The following SART3 variants were observed in gnomAD, a reference collection of about 807,000 sequenced individuals.
SART3 encodes the protein spliceosome associated factor 3, U4/U6 recycling protein.
A neutral mutation model predicts 122.3 loss-of-function variants in SART3; 44 were observed. The ratio of observed to expected loss-of-function variants is 0.36; its 90% confidence interval spans 0.28 to 0.46. The LOEUF is 0.46. Among genes scored for constraint, SART3 ranks in the 20% least tolerant of loss-of-function variants. The probability of loss-of-function intolerance (pLI) is 1.00; values close to 1 mark genes in which losing one functional copy is unlikely to be tolerated. For synonymous variants in SART3, 442 were observed against 454.0 expected (o/e 0.97, Z 0.34); for missense variants, 1,101 against 1,229.0 (o/e 0.90, Z 1.56).
chr12:108,544,682 C>CA (rs1335579235), intron 4 of SART3: 3 of 711,576 alleles, frequency 4.2e-6, no homozygotes, highest in Middle Eastern at 3.1e-4. Flanking sequence ...CCTCCCACCT[C>CA]AGAGTCCTGA....
At chr12:108,529,004 T>G (rs74503751) in intron 15 of SART3, among the ~76,000 whole-genome samples, 11,295 of 152,184 alleles carry the variant, frequency 0.074, 535 homozygotes, top group South Asian at 0.21. Flanking sequence ...ATGCCTGTAA[T>G]CCCAGCTACT....
At chr12:108,544,284 C>T (rs771612979) in intron 5 of SART3, 143 bp downstream of exon 5, 13 of 830,936 alleles carry the variant, frequency 1.6e-5, no homozygotes, top group Non-Finnish European at 2.6e-5. Context: ...AGGACCTCAT[C>T]CAAAGAGACA....
Position 108,561,095 on chromosome 12 carries a change from G to C in SART3, c.60C>G (p.Pro20=), listed in dbSNP as rs892661336. Residue 20 remains proline (P), a synonymous_variant, in exon 1 of 19, where the codon CCC becomes CCG. Coordinates refer to ENST00000546815, the MANE Select transcript of SART3 (RefSeq NM_014706.4). ...SEPEAESKAG[P]KADGEEDEVK... ...CCTCATCCTCCTCTCCGTCAGCCTT[G>C]GGCCCAGCCTTGGACTCAGCCTCGG... 16 of 1,613,986 alleles carry C rather than the reference G, an allele frequency of 9.9e-6. No individual in the cohort carries two copies. The highest frequency in any genetic ancestry group is 1.3e-5 in the Non-Finnish European group (15 of 1,180,002).
intron 1 of SART3, chr12:108,560,281 G>C (rs925301462): frequency 2.6e-5 from 4 of 156,480 alleles, no homozygotes; most frequent in African/African-American, 9.6e-5. Context: ...AGGAAGTCGA[G>C]AGGGTGAGAG....
In SART3 at chr12:108,540,659, C is replaced by T. The variant is rs189807272; in HGVS notation, c.907-1570G>A. Among the ~76,000 whole-genome samples, 455 of 138,322 alleles carry T rather than the reference C, an allele frequency of 3.3e-3. 2 individuals are homozygous for T. Among genetic ancestry groups the T allele is most frequent in the Middle Eastern group, 0.013 (3 of 226 alleles). 90.7% of individuals were successfully genotyped at this position (138,322 alleles called of 152,430 possible). ...TTGAAGGCAAAAAAAAAAAAAAAGC[C>T]AAGATCCTCTTGAAGAGGAAAAAGG... On this transcript the variant is annotated intron_variant, in intron 6 of 18. Coordinates refer to ENST00000546815, the MANE Select transcript of SART3 (RefSeq NM_014706.4).
intron 2 of SART3, among the ~76,000 whole-genome samples, chr12:108,548,726 T>TA (rs1384609180): frequency 6.6e-6 from 1 of 152,204 alleles, no homozygotes; most frequent in Non-Finnish European, 1.5e-5. Context: ...AACATTTACA[T>TA]AAAAAACTGT....
chr12:108,560,939 C>T lies in SART3; in HGVS notation c.216G>A (p.Met72Ile), dbSNP rs756203601. 2 of 1,614,014 alleles carry T rather than the reference C, an allele frequency of 1.2e-6. No homozygotes were observed. Among genetic ancestry groups the T allele is most frequent in the Admixed American group, 3.3e-5 (2 of 60,012 alleles). ...CGGGGGAGCTCTCCGCGGAGGAAGC[C>T]ATGGCGTACTCATCCCCATCGCTCT... is the stretch of plus-strand genomic sequence containing the variant. ...VSESDGDEYA[M>I]ASSAESSPGE... The change falls in exon 1 of 19, where the codon ATG becomes ATA. Residue 72 changes from methionine to isoleucine, a missense_variant. Around this residue, in one of 2 missense-constraint regions of SART3, gnomAD observed 216 missense variants for 148.9 expected, o/e 1.45. Transcript: ENST00000546815.
intron 1 of SART3, among the ~76,000 whole-genome samples, chr12:108,560,008 C>G (rs1469934674): frequency 6.6e-6 from 1 of 152,208 alleles, no homozygotes; most frequent in African/African-American, 2.4e-5. Context: ...AGATGGACAC[C>G]AGGTTCTGGA....
At chr12:108,531,043 A>G (rs1027446788) in intron 14 of SART3, among the ~76,000 whole-genome samples, 161 bp downstream of exon 14, 10 of 152,218 alleles carry the variant, frequency 6.6e-5, no homozygotes, top group Non-Finnish European at 1.3e-4. Context: ...ACAATGTAAA[A>G]ATGACACAAG....
At chr12:108,536,964 C>G (rs549098409) in intron 9 of SART3, 179 bp from the exon 10 acceptor site, 2 of 646,748 alleles carry the variant, frequency 3.1e-6, no homozygotes, top group East Asian at 5.6e-5. Context: ...GAAATTTGAA[C>G]AGAATAGAGC....
chr12:108,531,083 A>C, intron 14 of SART3, 121 bp downstream of exon 14: 2 of 725,172 alleles, frequency 2.8e-6, no homozygotes, highest in Non-Finnish European at 4.8e-6. Flanking sequence ...TAAATATTTT[A>C]TAATTAATAC....
chr12:108,529,474 G>A (rs1350549696), intron 15 of SART3, among the ~76,000 whole-genome samples: 8 of 152,192 alleles, frequency 5.3e-5, no homozygotes, highest in Admixed American at 5.2e-4. Flanking sequence ...CTTGGGTATT[G>A]TGTGCTAGAA....
intron 2 of SART3, 30 bp from the exon 3 acceptor site, chr12:108,548,021 TA>T (rs765898580): frequency 6.3e-7 from 1 of 1,576,418 alleles, no homozygotes; most frequent in Admixed American, 1.7e-5. Flanking sequence ...CCCGCATTAA[TA>T]CCAAAGGGTA....
intron 3 of SART3, 61 bp from the exon 4 acceptor site, chr12:108,545,384 G>A: frequency 6.4e-7 from 1 of 1,553,844 alleles, no homozygotes; most frequent in South Asian, 1.1e-5. Flanking sequence ...CAAAACTGAT[G>A]CATAACAAAC....
At chr12:108,523,867 G>T (rs1270156619) in intron 18 of SART3, 1 of 606,508 alleles carries the variant, frequency 1.6e-6, no homozygotes, top group Admixed American at 2.9e-5. Flanking sequence ...GTCACACTCA[G>T]AGGGGATCAG....
At chr12:108,531,036 A>C (rs2136667886) in intron 14 of SART3, among the ~76,000 whole-genome samples, 168 bp downstream of exon 14, 1 of 152,314 alleles carries the variant, frequency 6.6e-6, no homozygotes, top group South Asian at 2.1e-4. Flanking sequence ...TTTTAGAACA[A>C]TGTAAAAATG....
intron 3 of SART3, among the ~76,000 whole-genome samples, 184 bp downstream of exon 3, chr12:108,547,703 T>A (rs1406067400): frequency 6.6e-6 from 1 of 152,220 alleles, no homozygotes; most frequent in Non-Finnish European, 1.5e-5. Context: ...TCCACTTTTA[T>A]TTTAAAATTA....
intron 2 of SART3, among the ~76,000 whole-genome samples, chr12:108,548,837 A>G (rs997133044): frequency 1.3e-5 from 2 of 152,254 alleles, no homozygotes; most frequent in Non-Finnish European, 2.9e-5. Flanking sequence ...GCCAAGTTTA[A>G]TTACATTACA....
Position 108,522,748 on chromosome 12 carries a change from GT to G in SART3, c.*708del, listed in dbSNP as rs2136657146. 2 of 152,966 alleles carry G rather than the reference GT, an allele frequency of 1.3e-5. No homozygotes were observed. Among genetic ancestry groups the G allele is most frequent in the Non-Finnish European group, 2.9e-5 (2 of 68,526 alleles). The allele number at this position is 152,966 out of a possible 1,614,324, so 9.5% of individuals were successfully genotyped here. On this transcript the variant is annotated 3_prime_UTR_variant, in exon 19 of 19. Coordinates refer to ENST00000546815, the MANE Select transcript of SART3 (RefSeq NM_014706.4). ...AGAATTGAAGTTTGCATTTGACATG[GT>G]ATTAAACAAAACCAAAGGGCTGAAA...
Sources: allele counts gnomAD v4.1 joint callset (sites outside exome capture counted in the v4.1 genomes callset), GRCh38; gene constraint gnomAD v4.1.1; regional missense constraint gnomAD v4.1.1; transcripts MANE v1.5; gene names NCBI Gene and HGNC (gene_info 2026-07-23, HGNC 2026-07-21).